The following FBXW7 variants were observed in gnomAD, a reference collection of about 807,000 sequenced individuals.
FBXW7 encodes the protein F-box and WD repeat domain containing 7.
FBXW7 carries 11 observed loss-of-function variants against 86.3 expected under a neutral mutation model. The ratio of observed to expected loss-of-function variants is 0.13; its 90% CI spans 0.08 to 0.21. FBXW7 has a LOEUF of 0.21. FBXW7 is among the 10% of genes least tolerant of loss of function. The pLI, the probability that FBXW7 is intolerant of heterozygous loss-of-function variation, is 1.00. For synonymous variants in FBXW7, 313 were observed against 297.9 expected, an observed-to-expected ratio of 1.05 and a Z score of -0.52; for missense variants, 488 against 847.4, an observed-to-expected ratio of 0.58 and a Z score of 5.27.
intron 2 of FBXW7, among the ~76,000 whole-genome samples, chr4:152,472,522 C>A (rs1166935503): frequency 1.3e-5 from 2 of 151,930 alleles, no homozygotes; most frequent in African/African-American, 4.8e-5. Flanking sequence ...GGGAAAGAAG[C>A]CAGTTTGAAA....
Position 152,320,629 on chromosome 4 carries a change from C to T in FBXW7, c.*2252G>A, listed in dbSNP as rs946812030. On this transcript the variant is annotated 3_prime_UTR_variant, in exon 14 of 14. Transcript: ENST00000281708. ...TTAGATTTGTTGAACAAAACGGCTACAGAACAGTCAGAAAGTACCAGAAAA... is the reference window on the plus strand; with the variant it reads ...TTAGATTTGTTGAACAAAACGGCTATAGAACAGTCAGAAAGTACCAGAAAA... 3 of 152,004 alleles carry T rather than the reference C, an allele frequency of 2.0e-5. No individual in the cohort carries two copies. Among genetic ancestry groups the T allele is most frequent in the African/African-American group, 7.2e-5 (3 of 41,386 alleles). The allele number at this position is 152,004 out of a possible 1,614,324, so 9.4% of individuals were successfully genotyped here.
intron 4 of FBXW7, among the ~76,000 whole-genome samples, chr4:152,404,088 T>G (rs1159428568): frequency 6.6e-6 from 1 of 152,160 alleles, no homozygotes; most frequent in African/African-American, 2.4e-5. Context: ...CACTAGGACT[T>G]AAAGAGTTCT....
chr4:152,485,043 T>C (rs889383219), intron 2 of FBXW7, among the ~76,000 whole-genome samples: 6 of 149,538 alleles, frequency 4.0e-5, no homozygotes, highest in African/African-American at 1.2e-4. Context: ...AAATTAAACA[T>C]AGTAATGACA....
intron 2 of FBXW7, among the ~76,000 whole-genome samples, chr4:152,466,253 A>G (rs1401836744): frequency 1.3e-5 from 2 of 152,190 alleles, no homozygotes; most frequent in Non-Finnish European, 2.9e-5. Flanking sequence ...CTAAATTGGT[A>G]CCTTAAAAAT....
intron 2 of FBXW7, among the ~76,000 whole-genome samples, chr4:152,476,622 C>T (rs1431130879): frequency 6.6e-6 from 1 of 152,136 alleles, no homozygotes; most frequent in Admixed American, 6.6e-5. Flanking sequence ...AAGCAAATAA[C>T]CTGATTTTAA....
At chr4:152,339,206 G>T (rs1354290289) in intron 6 of FBXW7, among the ~76,000 whole-genome samples, 5 of 152,026 alleles carry the variant, frequency 3.3e-5, no homozygotes, top group African/African-American at 1.2e-4. Context: ...AACCAGTTGT[G>T]TCCCTTCCTT....
rs964603680 is a variant in FBXW7, at chr4:152,352,953, C to G, written c.502-2829G>C. On this transcript the variant is annotated intron_variant, in intron 4 of 13. Coordinates refer to ENST00000281708, the MANE Select transcript of FBXW7 (RefSeq NM_001349798.2). ...ATATGGTGATCCGCTCCAGGGAACC[C>G]GTAAGAACACAACGCACTGAACAGA... 7.2e-6 allele frequency: 10 copies of G among 1,393,120 alleles called. No homozygotes were observed. In the African/African-American group the frequency reaches 1.4e-4, roughly 20 times the overall value. The allele number at this position is 1,393,120 out of a possible 1,614,324, so 86.3% of individuals were successfully genotyped here.
intron 2 of FBXW7, among the ~76,000 whole-genome samples, chr4:152,439,625 G>T (rs1740698855): frequency 6.6e-6 from 1 of 152,052 alleles, no homozygotes; most frequent in Admixed American, 6.6e-5. Context: ...CAGCACTTCG[G>T]GAGGCTGAGG....
intron 11 of FBXW7, among the ~76,000 whole-genome samples, chr4:152,327,166 T>C (rs1235461351): frequency 1.3e-5 from 2 of 152,038 alleles, no homozygotes; most frequent in Admixed American, 1.3e-4. Context: ...AACCCTTTAA[T>C]TGAGAACCTA....
In FBXW7 at chr4:152,535,667, C is replaced by A. The variant is rs1579464402; in HGVS notation, c.-753G>T. 6 of 396,218 alleles carry A rather than the reference C, an allele frequency of 1.5e-5. No homozygotes were observed. Among genetic ancestry groups the A allele is most frequent in the Admixed American group, 1.3e-4 (3 of 22,622 alleles). 24.5% of individuals were successfully genotyped at this position (396,218 alleles called of 1,614,324 possible). ...CATGTGTCGCTGCGGCTGGGACCCC[C>A]CTCCCTACACCTTGGGGGTCTCGCC... is the stretch of plus-strand genomic sequence containing the variant. On this transcript the variant is annotated 5_prime_UTR_variant, in exon 1 of 14. Transcript: ENST00000281708.
At chr4:152,355,586 G>A (rs1732292253) in intron 4 of FBXW7, among the ~76,000 whole-genome samples, 3 of 152,026 alleles carry the variant, frequency 2.0e-5, no homozygotes, top group South Asian at 2.1e-4. Context: ...TTTCAGCTAG[G>A]CACTCATTTC....
chr4:152,530,270 C>T (rs1398074603), intron 2 of FBXW7: 1 of 151,930 alleles, frequency 6.6e-6, no homozygotes, highest in Non-Finnish European at 1.5e-5. Flanking sequence ...CTGAATTAGC[C>T]ACTGCAAGAG....
chr4:152,358,675 A>G (rs1049632399), intron 4 of FBXW7, among the ~76,000 whole-genome samples: 2 of 152,194 alleles, frequency 1.3e-5, no homozygotes, highest in African/African-American at 4.8e-5. Flanking sequence ...CCATTACCAG[A>G]GTGTAATGTT....
chr4:152,484,220 T>C (rs1221131969), intron 2 of FBXW7, among the ~76,000 whole-genome samples: 1 of 152,150 alleles, frequency 6.6e-6, no homozygotes, highest in African/African-American at 2.4e-5. Flanking sequence ...GGTTCCAACA[T>C]CCATTCTACA....
At chr4:152,467,504 C>CA (rs1314986749) in intron 2 of FBXW7, among the ~76,000 whole-genome samples, 3 of 151,602 alleles carry the variant, frequency 2.0e-5, no homozygotes, top group South Asian at 2.1e-4. Flanking sequence ...TTCTTCAATC[C>CA]AAAAAAAACT....
intron 2 of FBXW7, among the ~76,000 whole-genome samples, chr4:152,450,582 A>C (rs1579234501): frequency 6.6e-6 from 1 of 152,234 alleles, no homozygotes; most frequent in East Asian, 1.9e-4. Context: ...AGGGAAGCTA[A>C]GAGTAGTAAT....
At chr4:152,511,782 C>T (rs1297833047) in intron 2 of FBXW7, among the ~76,000 whole-genome samples, 3 of 152,112 alleles carry the variant, frequency 2.0e-5, no homozygotes, top group Non-Finnish European at 2.9e-5. Flanking sequence ...GTATACTACG[C>T]TTTTCTCTGT....
chr4:152,471,401 GAGGGAAGGAAGGAAGGAAAA>G (rs1743946144), intron 2 of FBXW7, among the ~76,000 whole-genome samples: 1 of 144,196 alleles, frequency 6.9e-6, no homozygotes, highest in Non-Finnish European at 1.5e-5. Flanking sequence ...AGGAGGGAAG[GAGGGAAGGAAGGAAGGAAAA>G]AGGGAAGGAA....
chr4:152,432,274 T>C (rs956379750), intron 2 of FBXW7, among the ~76,000 whole-genome samples: 3 of 152,194 alleles, frequency 2.0e-5, no homozygotes, highest in Admixed American at 1.3e-4. Flanking sequence ...CCTAGCTTTC[T>C]AACGTGAGCA....
Sources: allele counts gnomAD v4.1 joint callset (sites outside exome capture counted in the v4.1 genomes callset), GRCh38; gene constraint gnomAD v4.1.1; transcripts MANE v1.5; gene names NCBI Gene and HGNC (gene_info 2026-07-23, HGNC 2026-07-21).